Variants in PAH observed in about 807,000 individuals in gnomAD.
PAH encodes phenylalanine-4-hydroxylase.
Under a neutral mutation model 62.0 loss-of-function variants are expected in PAH, and 64 were observed. The ratio of observed to expected loss-of-function variants is 1.03; its 90% CI spans 0.84 to 1.27. PAH has a LOEUF of 1.27. Ranked by LOEUF, PAH falls within the 50% of genes most tolerant of loss-of-function variation. PAH has a pLI of 0.00. For synonymous variants in PAH, 195 were observed against 196.2 expected, an observed-to-expected ratio of 0.99 and a Z score of 0.05; for missense variants, 579 against 542.8, an observed-to-expected ratio of 1.07 and a Z score of -0.66.
At chr12:102,887,204 C>A (rs980121525) in intron 3 of PAH, among the ~76,000 whole-genome samples, 13 of 148,684 alleles carry the variant, frequency 8.7e-5, no homozygotes, top group Non-Finnish European at 1.9e-4. Context: ...AAGAAGGAAG[C>A]AAGGAGGAAA....
chr12:102,941,046 A>G (rs1267512191), intron 1 of PAH, among the ~76,000 whole-genome samples: 1 of 152,224 alleles, frequency 6.6e-6, no homozygotes. Flanking sequence ...ATAAATTCCA[A>G]CCAAGAATTT....
chr12:102,942,841 G>C (rs892270479), intron 1 of PAH, among the ~76,000 whole-genome samples: 4 of 152,144 alleles, frequency 2.6e-5, no homozygotes, highest in African/African-American at 9.7e-5. Context: ...AATAAATGGT[G>C]CTGGGATAGA....
intron 2 of PAH, among the ~76,000 whole-genome samples, chr12:102,905,425 T>G (rs1286504159): frequency 6.6e-6 from 1 of 152,186 alleles, no homozygotes; most frequent in Non-Finnish European, 1.5e-5. Flanking sequence ...CTCAATATTT[T>G]GTTTCAACAT....
intron 1 of PAH, among the ~76,000 whole-genome samples, chr12:102,936,120 A>G (rs1047561824): frequency 6.6e-6 from 1 of 151,882 alleles, no homozygotes; most frequent in African/African-American, 2.4e-5. Context: ...TTCAATTTCT[A>G]TTTTAATTTA....
intron 1 of PAH, chr12:102,950,507 A>G (rs1167615072): frequency 6.6e-6 from 1 of 152,400 alleles, no homozygotes; most frequent in African/African-American, 2.4e-5. Context: ...CCGCACCGCA[A>G]GGAGTCGGGC....
intron 6 of PAH, chr12:102,854,687 AAGG>A (rs2136648562): frequency 4.0e-6 from 1 of 248,348 alleles, no homozygotes; most frequent in South Asian, 5.5e-5. Flanking sequence ...GAGAGGATTG[AAGG>A]CAGGATTCAT....
intron 3 of PAH, 49 bp from the exon 4 acceptor site, chr12:102,877,599 G>T (rs749769724): frequency 2.2e-6 from 3 of 1,384,616 alleles, no homozygotes; most frequent in Non-Finnish European, 3.1e-6. Flanking sequence ...GCAGAACATG[G>T]CCAAAGGCCT....
chr12:102,844,023 A>G (rs1874716664), intron 10 of PAH, among the ~76,000 whole-genome samples: 1 of 152,154 alleles, frequency 6.6e-6, no homozygotes, highest in South Asian at 2.1e-4. Flanking sequence ...AAGGTGGTCA[A>G]TAGATGACGT....
intron 2 of PAH, among the ~76,000 whole-genome samples, chr12:102,909,555 T>C (rs1452940893): frequency 6.6e-6 from 1 of 152,228 alleles, no homozygotes; most frequent in East Asian, 1.9e-4. Flanking sequence ...AAAAAGTCAC[T>C]ATAAAAACCC....
intron 3 of PAH, among the ~76,000 whole-genome samples, chr12:102,884,710 C>T (rs1403606453): frequency 6.6e-6 from 1 of 152,162 alleles, no homozygotes; most frequent in Non-Finnish European, 1.5e-5. Flanking sequence ...GTCCCAGAGG[C>T]CACTAGAGGC....
chr12:102,844,404 G>A lies in PAH; in HGVS notation c.997C>T (p.Leu333Phe), dbSNP rs62516060. 2 of 1,613,306 alleles carry A rather than the reference G, an allele frequency of 1.2e-6. No individual in the cohort carries two copies. Among genetic ancestry groups the A allele is most frequent in the Admixed American group, 1.7e-5 (1 of 59,948 alleles). The change falls in exon 10 of 13, where the codon CTC becomes TTC. Residue 333 changes from leucine (L) to phenylalanine (F), a missense_variant. Transcript: ENST00000553106. ...TTTATGGAGTCTCCTTGTTTGCAGA[G>A]CCCAAACTCCACAGTAAACCAGTAA... is the stretch of plus-strand genomic sequence containing the variant. ...TIYWFTVEFGLCKQGDSIKAY... is the reference protein window; with the variant it reads ...TIYWFTVEFGFCKQGDSIKAY...
At chr12:102,877,638 C>G in intron 3 of PAH, 88 bp from the exon 4 acceptor site, 3 of 949,646 alleles carry the variant, frequency 3.2e-6, no homozygotes, top group Non-Finnish European at 5.2e-6. Context: ...GGATCCCAGC[C>G]AATGGTGATG....
At chr12:102,841,542 T>C (rs531968091) in intron 11 of PAH, among the ~76,000 whole-genome samples, 18 of 152,124 alleles carry the variant, frequency 1.2e-4, no homozygotes, top group African/African-American at 4.3e-4. Flanking sequence ...GGGGCATTAG[T>C]GGTACCTGCC....
At chr12:102,868,114 A>G (rs1361809113) in intron 4 of PAH, among the ~76,000 whole-genome samples, 403 of 16,128 alleles carry the variant, frequency 0.025, 34 homozygotes, top group Non-Finnish European at 0.044. Context: ...ACACATATAT[A>G]TACATATATG....
chr12:102,890,450 A>C (rs1877230258), intron 3 of PAH, among the ~76,000 whole-genome samples: 1 of 152,208 alleles, frequency 6.6e-6, no homozygotes, highest in African/African-American at 2.4e-5. Context: ...CACGGAAACT[A>C]CCACAGAAAC....
At chr12:102,849,753 T>C (rs1875065521) in intron 8 of PAH, among the ~76,000 whole-genome samples, 1 of 152,220 alleles carries the variant, frequency 6.6e-6, no homozygotes, top group Admixed American at 6.5e-5. Flanking sequence ...TCACCATTCT[T>C]TGTGAGCCTA....
chr12:102,841,515 A>G (rs1055029768), intron 11 of PAH, among the ~76,000 whole-genome samples: 8 of 151,942 alleles, frequency 5.3e-5, no homozygotes, highest in Non-Finnish European at 1.0e-4. Context: ...CTGTACCCCA[A>G]TTTCCTCTGT....
intron 2 of PAH, among the ~76,000 whole-genome samples, chr12:102,901,762 C>T (rs190592196): frequency 3.0e-4 from 46 of 152,174 alleles, no homozygotes; most frequent in African/African-American, 1.0e-3. Flanking sequence ...TTGCTGGGGA[C>T]AACATCAAAG....
intron 1 of PAH, among the ~76,000 whole-genome samples, chr12:102,949,377 G>C (rs982946781): frequency 6.6e-6 from 1 of 152,166 alleles, no homozygotes; most frequent in Non-Finnish European, 1.5e-5. Flanking sequence ...AACCAAGTTC[G>C]TCTATTCAAA....
Sources: gnomAD v4.1 joint callset for allele counts (sites outside exome capture counted in the v4.1 genomes callset) on GRCh38, gnomAD v4.1.1 for gene constraint, MANE v1.5 for transcripts, NCBI Gene and HGNC (gene_info 2026-07-23, HGNC 2026-07-21) for gene names.